ROBO2: variants seen among roughly 807,000 people sequenced by gnomAD.
ROBO2 encodes roundabout guidance receptor 2.
Under a neutral mutation model 160.8 loss-of-function variants are expected in ROBO2, and 53 were observed. That is an observed-to-expected ratio of 0.33 (90% CI 0.26 to 0.41). ROBO2 has a LOEUF of 0.41. Among genes scored for constraint, ROBO2 ranks in the 10% least tolerant of loss-of-function variants. The probability of loss-of-function intolerance (pLI) is 1.00; values close to 1 mark genes in which losing one functional copy is unlikely to be tolerated. For missense variants in ROBO2, 1,577 were observed against 1,722.4 expected, an observed-to-expected ratio of 0.92 and a Z score of 1.49; for synonymous variants, 664 against 611.7, an observed-to-expected ratio of 1.09 and a Z score of -1.26.
chr3:76,634,893 G>A (rs1342130805), intron 2 of ROBO2, among the ~76,000 whole-genome samples: 2 of 152,186 alleles, frequency 1.3e-5, no homozygotes, highest in Admixed American at 6.5e-5. Context: ...GATCAGTGGC[G>A]GCATTGGATT....
In ROBO2 at chr3:76,597,934, C is replaced by T. The variant is rs76514339; in HGVS notation, c.110-500080C>T. Among the ~76,000 whole-genome samples the T allele has an allele frequency of 4.4e-3, 674 of 151,984 alleles. 8 individuals are homozygous for T. The highest frequency in any genetic ancestry group is 0.016 in the African/African-American group (649 of 41,430). The stretch of plus-strand genomic sequence containing the variant: ...ATATATGTACCACATTTTTTAATCT[C>T]GGAAAGATAAAAACTGATATTTTTA... On this transcript the variant is annotated intron_variant, in intron 2 of 26. Transcript: ENST00000487694.
chr3:77,255,942 C>T (rs2058383329), intron 2 of ROBO2, among the ~76,000 whole-genome samples: 1 of 152,168 alleles, frequency 6.6e-6, no homozygotes, highest in East Asian at 1.9e-4. Context: ...CTGTCTAGAG[C>T]TTAATGGGTT....
intron 5 of ROBO2, among the ~76,000 whole-genome samples, chr3:77,518,312 A>G (rs908548815): frequency 2.0e-5 from 3 of 151,498 alleles, no homozygotes; most frequent in Admixed American, 1.3e-4. Flanking sequence ...TAACGAGTCA[A>G]TCACTTTATA....
chr3:77,445,515 A>C (rs1249637292), intron 2 of ROBO2, among the ~76,000 whole-genome samples: 1 of 152,082 alleles, frequency 6.6e-6, no homozygotes, highest in Non-Finnish European at 1.5e-5. Context: ...CGCAACTAAT[A>C]GTGACTTTCG....
At chr3:76,120,882 T>C (rs1047203333) in intron 2 of ROBO2, among the ~76,000 whole-genome samples, 9 of 152,284 alleles carry the variant, frequency 5.9e-5, no homozygotes, top group East Asian at 3.9e-4. Flanking sequence ...TACAGAACAA[T>C]ACTTGCCTGC....
chr3:76,030,806 C>T (rs2066894514), intron 2 of ROBO2, among the ~76,000 whole-genome samples: 1 of 152,120 alleles, frequency 6.6e-6, no homozygotes, highest in Non-Finnish European at 1.5e-5. Flanking sequence ...AGCGTGATGC[C>T]TCCAGCTTTG....
At chr3:76,626,312 C>T (rs772865352) in intron 2 of ROBO2, among the ~76,000 whole-genome samples, 40 of 151,958 alleles carry the variant, frequency 2.6e-4, no homozygotes, top group African/African-American at 7.2e-4. Context: ...GAGTGGTGTG[C>T]GGTAGAGATA....
chr3:76,215,851 A>T (rs1009795544), intron 2 of ROBO2, among the ~76,000 whole-genome samples: 2 of 152,184 alleles, frequency 1.3e-5, no homozygotes, highest in African/African-American at 4.8e-5. Context: ...TCCAAGACAC[A>T]TAACTGGCAG....
chr3:76,067,492 A>C (rs944786904), intron 2 of ROBO2, among the ~76,000 whole-genome samples: 3 of 88,554 alleles, frequency 3.4e-5, no homozygotes, highest in African/African-American at 1.7e-4. Flanking sequence ...AGAGCCTTGG[A>C]ATTGTTTAAA....
chr3:77,005,637 C>T (rs1334140576), intron 2 of ROBO2, among the ~76,000 whole-genome samples: 2 of 152,046 alleles, frequency 1.3e-5, no homozygotes, highest in South Asian at 2.1e-4. Flanking sequence ...ATGATATAAA[C>T]GACAGTAGAA....
At chr3:77,273,759 A>G (rs993834106) in intron 2 of ROBO2, among the ~76,000 whole-genome samples, 3 of 152,188 alleles carry the variant, frequency 2.0e-5, no homozygotes, top group African/African-American at 7.2e-5. Flanking sequence ...TGGAAAGTTG[A>G]TCAGTGCTTT....
intron 2 of ROBO2, among the ~76,000 whole-genome samples, chr3:76,712,918 A>G (rs1222988596): frequency 6.6e-6 from 1 of 152,168 alleles, no homozygotes; most frequent in Non-Finnish European, 1.5e-5. Flanking sequence ...ATAAATGATC[A>G]TTGGATTCTT....
chr3:76,495,619 G>C lies in ROBO2; in HGVS notation c.109+558017G>C, dbSNP rs145644714. On this transcript the variant is annotated intron_variant, in intron 2 of 26. Transcript: ENST00000487694. Reference sequence around the variant, plus strand: ...TTTTTTTTTAGATTGTATGTGCTCTGTTCTTTCTTTTAAAGCATCCTTAAG... The same window carrying C: ...TTTTTTTTTAGATTGTATGTGCTCTCTTCTTTCTTTTAAAGCATCCTTAAG... Among the ~76,000 whole-genome samples, 179 of 151,446 alleles carry C rather than the reference G, an allele frequency of 1.2e-3. 1 individual carries two copies. Among genetic ancestry groups the C allele is most frequent in the African/African-American group, 4.2e-3 (175 of 41,310 alleles).
intron 2 of ROBO2, among the ~76,000 whole-genome samples, chr3:76,532,493 GT>G (rs1372909794): frequency 6.6e-6 from 1 of 152,100 alleles, no homozygotes; most frequent in African/African-American, 2.4e-5. Flanking sequence ...AAGAATTTAA[GT>G]TTTTCAGTAA....
At chr3:76,209,051 G>T (rs941756814) in intron 2 of ROBO2, among the ~76,000 whole-genome samples, 4 of 152,080 alleles carry the variant, frequency 2.6e-5, no homozygotes, top group African/African-American at 9.7e-5. Context: ...CAAAAAAATT[G>T]TATATTACCA....
At chr3:77,230,855 C>T (rs937443853) in intron 2 of ROBO2, among the ~76,000 whole-genome samples, 9 of 152,074 alleles carry the variant, frequency 5.9e-5, no homozygotes, top group Admixed American at 1.3e-4. Context: ...TACTCTTTTG[C>T]GATCTTTTTA....
chr3:76,138,237 C>A (rs1230707732), intron 2 of ROBO2, among the ~76,000 whole-genome samples: 2 of 151,792 alleles, frequency 1.3e-5, no homozygotes, highest in African/African-American at 4.8e-5. Flanking sequence ...TAGAGAAAAG[C>A]ACTTTTATGT....
intron 2 of ROBO2, among the ~76,000 whole-genome samples, chr3:76,218,662 G>C (rs903793998): frequency 3.9e-5 from 6 of 152,172 alleles, no homozygotes; most frequent in African/African-American, 1.4e-4. Context: ...GGAAATAAAA[G>C]ACGATACAAA....
chr3:76,608,621 T>C (rs758196414), intron 2 of ROBO2, among the ~76,000 whole-genome samples: 9 of 152,186 alleles, frequency 5.9e-5, no homozygotes, highest in Non-Finnish European at 1.0e-4. Flanking sequence ...CCTGTGCTTG[T>C]GGGGTATTAT....
Sources: allele counts gnomAD v4.1 joint callset (sites outside exome capture counted in the v4.1 genomes callset), GRCh38; gene constraint gnomAD v4.1.1; transcripts MANE v1.5; gene names NCBI Gene and HGNC (gene_info 2026-07-23, HGNC 2026-07-21).